The following PCDH15 variants were observed in gnomAD, a reference collection of about 807,000 sequenced individuals.
PCDH15 encodes protocadherin-15.
In PCDH15, 129 loss-of-function variants were observed where a neutral mutation model predicts 178.5. The ratio of observed to expected loss-of-function variants is 0.72; its 90% CI spans 0.63 to 0.84. PCDH15 has a LOEUF of 0.84. PCDH15 is among the 40% of genes least tolerant of loss of function. The pLI is 0.00. For synonymous variants in PCDH15, 800 were observed against 732.0 expected, an observed-to-expected ratio of 1.09 and a Z score of -1.50; for missense variants, 2,230 against 2,099.9, an observed-to-expected ratio of 1.06 and a Z score of -1.21.
At chr10:54,242,132 A>T (rs1328773003) in intron 8 of PCDH15, among the ~76,000 whole-genome samples, 60 of 3,314 alleles carry the variant, frequency 0.018, 2 homozygotes, top group East Asian at 0.074. Flanking sequence ...TTCTATTTTT[A>T]TATATATATA....
At chr10:54,100,513 A>G (rs1016750698) in intron 15 of PCDH15, among the ~76,000 whole-genome samples, 5 of 152,206 alleles carry the variant, frequency 3.3e-5, no homozygotes, top group Non-Finnish European at 7.3e-5. Flanking sequence ...TATCTCAGTG[A>G]CATCATTCTG....
At chr10:54,845,896 C>T (rs1374830799) in intron 3 of PCDH15, among the ~76,000 whole-genome samples, 7 of 151,974 alleles carry the variant, frequency 4.6e-5, no homozygotes, top group African/African-American at 1.4e-4. Context: ...ACATCCAATG[C>T]CTATGAACCA....
intron 2 of PCDH15, among the ~76,000 whole-genome samples, chr10:55,495,632 C>G (rs1242013192): frequency 6.6e-6 from 1 of 151,660 alleles, no homozygotes; most frequent in African/African-American, 2.4e-5. Context: ...AATATTCATG[C>G]CTTATTGGTG....
At chr10:54,124,758 A>C (rs1007652428) in intron 15 of PCDH15, among the ~76,000 whole-genome samples, 2 of 152,230 alleles carry the variant, frequency 1.3e-5, no homozygotes, top group African/African-American at 4.8e-5. Flanking sequence ...CTTCAGAGCA[A>C]AAATGCATCC....
intron 2 of PCDH15, among the ~76,000 whole-genome samples, chr10:55,380,416 T>C (rs1365558494): frequency 6.6e-6 from 1 of 152,172 alleles, no homozygotes; most frequent in Non-Finnish European, 1.5e-5. Flanking sequence ...CTATACATCT[T>C]TTGAGTAAAG....
At position 53,880,713 on chromosome 10, in the gene PCDH15, A is replaced by T. The variant is rs1467477955; in HGVS notation, c.3502-13856T>A. 2.0e-5 allele frequency among the ~76,000 whole-genome samples: 3 copies of T among 152,302 alleles called. No homozygotes were observed. In the East Asian group the frequency reaches 5.8e-4, roughly 29 times the overall value. On this transcript the variant is annotated intron_variant, in intron 26 of 37. Transcript: ENST00000644397. ...AATAAATTTATAATTTTCAAAATAG[A>T]CTGGATATATAGGGCTATGATGAAA...
chr10:54,483,344 G>A (rs2078857588), intron 3 of PCDH15, among the ~76,000 whole-genome samples: 1 of 151,776 alleles, frequency 6.6e-6, no homozygotes, highest in Admixed American at 6.6e-5. Context: ...TTATATTGGT[G>A]TGGGATTTTG....
chr10:55,410,068 A>G (rs184272525), intron 2 of PCDH15, among the ~76,000 whole-genome samples: 9 of 152,136 alleles, frequency 5.9e-5, no homozygotes, highest in Non-Finnish European at 1.2e-4. Flanking sequence ...TGAGTATTAA[A>G]TAAGGGATAA....
At chr10:55,278,696 T>G (rs1842655033) in intron 1 of PCDH15, among the ~76,000 whole-genome samples, 1 of 152,240 alleles carries the variant, frequency 6.6e-6, no homozygotes, top group Admixed American at 6.5e-5. Context: ...GGTTCTTATT[T>G]GAAATATGCA....
intron 3 of PCDH15, among the ~76,000 whole-genome samples, chr10:54,492,429 A>T (rs1420595771): frequency 6.6e-6 from 1 of 152,202 alleles, no homozygotes; most frequent in African/African-American, 2.4e-5. Flanking sequence ...GGTGGATTAT[A>T]GTAGTTACTG....
At chr10:54,961,715 TCTC>T (rs1445628949) in intron 2 of PCDH15, among the ~76,000 whole-genome samples, 1 of 152,114 alleles carries the variant, frequency 6.6e-6, no homozygotes, top group East Asian at 1.9e-4. Context: ...CCACTTTGGG[TCTC>T]CTCTGTACTC....
At chr10:55,516,572 A>T (rs1199118314) in intron 2 of PCDH15, among the ~76,000 whole-genome samples, 1 of 152,280 alleles carries the variant, frequency 6.6e-6, no homozygotes, top group African/African-American at 2.4e-5. Context: ...GAAGACACTT[A>T]AAAGCATTTT....
intron 1 of PCDH15, among the ~76,000 whole-genome samples, chr10:55,295,257 A>G (rs1161235173): frequency 6.6e-6 from 1 of 152,190 alleles, no homozygotes. Context: ...AAAGTATTTC[A>G]GGTTTAAAAA....
intron 21 of PCDH15, among the ~76,000 whole-genome samples, chr10:53,981,400 G>A (rs371034524): frequency 6.8e-4 from 104 of 152,142 alleles, no homozygotes; most frequent in African/African-American, 2.4e-3. Flanking sequence ...GAGGCATCAC[G>A]CTACCTGACT....
At chr10:55,497,790 C>A (rs1332481379) in intron 2 of PCDH15, among the ~76,000 whole-genome samples, 3 of 151,830 alleles carry the variant, frequency 2.0e-5, no homozygotes, top group African/African-American at 4.8e-5. Context: ...TACTTGAATT[C>A]ATTTATTTCA....
intron 2 of PCDH15, among the ~76,000 whole-genome samples, chr10:54,627,303 G>T (rs1383046499): frequency 1.3e-5 from 2 of 152,102 alleles, no homozygotes; most frequent in Non-Finnish European, 2.9e-5. Context: ...TGATTTGGCT[G>T]TGTCCCCACC....
chr10:53,937,891 A>AG (rs1183137183), intron 25 of PCDH15, among the ~76,000 whole-genome samples: 3 of 152,164 alleles, frequency 2.0e-5, no homozygotes, highest in African/African-American at 7.2e-5. Flanking sequence ...AATGATGTCC[A>AG]GGGATAGTCC....
chr10:55,287,882 A>G (rs1842911262), intron 1 of PCDH15, among the ~76,000 whole-genome samples: 1 of 151,924 alleles, frequency 6.6e-6, no homozygotes, highest in African/African-American at 2.4e-5. Flanking sequence ...ACACCAAATT[A>G]TTATTAATCT....
chr10:54,040,443 C>T (rs2093517990), intron 18 of PCDH15, among the ~76,000 whole-genome samples: 1 of 151,942 alleles, frequency 6.6e-6, no homozygotes, highest in Non-Finnish European at 1.5e-5. Flanking sequence ...GATTGTGAGG[C>T]CTCCCCAGCC....
Sources: gnomAD v4.1 joint callset for allele counts (sites outside exome capture counted in the v4.1 genomes callset) on GRCh38, gnomAD v4.1.1 for gene constraint, MANE v1.5 for transcripts, NCBI Gene and HGNC (gene_info 2026-07-23, HGNC 2026-07-21) for gene names.